Variants in MDGA2 observed in about 807,000 individuals in gnomAD.
MDGA2 encodes MAM domain containing glycosylphosphatidylinositol anchor 2, also known as MAM domain-containing glycosylphosphatidylinositol anchor protein 2.
In MDGA2, 40 loss-of-function variants were observed where a neutral mutation model predicts 117.8. That is an observed-to-expected ratio of 0.34 (90% CI 0.26 to 0.44). The LOEUF (loss-of-function observed/expected upper bound fraction) is 0.44, where lower values mean the gene tolerates loss of function less well. Among genes scored for constraint, MDGA2 ranks in the 20% least tolerant of loss-of-function variants. The pLI is 1.00. For missense variants in MDGA2, 1,123 were observed against 1,250.6 expected, an observed-to-expected ratio of 0.90 and a Z score of 1.54; for synonymous variants, 452 against 439.0, an observed-to-expected ratio of 1.03 and a Z score of -0.37.
intron 1 of MDGA2, among the ~76,000 whole-genome samples, chr14:47,471,404 C>T (rs1893726082): frequency 6.6e-6 from 1 of 152,024 alleles, no homozygotes. Context: ...ACTAGTTACA[C>T]ATGTTTTAAA....
In MDGA2 at chr14:47,194,438, TA is replaced by T. The variant is rs146616094; in HGVS notation, c.595+23582del. ...AAATTCACCCATTTTGATATATATA[TA>T]TTTTTTTACAGTATCCACACTTCAA... is the stretch of plus-strand genomic sequence containing the variant. On this transcript the variant is annotated intron_variant, in intron 3 of 16. Coordinates refer to ENST00000399232, the MANE Select transcript of MDGA2 (RefSeq NM_001113498.3). 5.3e-3 allele frequency among the ~76,000 whole-genome samples: 814 copies of T among 152,266 alleles called. 10 individuals carry two copies. Among genetic ancestry groups the T allele is most frequent in the African/African-American group, 0.018 (755 of 41,574 alleles).
At chr14:46,901,557 A>G (rs981095582) in intron 10 of MDGA2, among the ~76,000 whole-genome samples, 1 of 152,208 alleles carries the variant, frequency 6.6e-6, no homozygotes. Flanking sequence ...TTATTCAGCA[A>G]ATATTTACTG....
intron 1 of MDGA2, among the ~76,000 whole-genome samples, chr14:47,670,966 C>A (rs1288247704): frequency 2.0e-5 from 3 of 151,908 alleles, no homozygotes; most frequent in African/African-American, 7.2e-5. Flanking sequence ...CTTGGTTAGT[C>A]CATATGATTT....
chr14:47,450,026 T>C (rs1955791), intron 1 of MDGA2, among the ~76,000 whole-genome samples: 41,794 of 152,024 alleles, frequency 0.27, 6,090 homozygotes, highest in South Asian at 0.47. Context: ...AGTGATACAT[T>C]TATTGTGCAC....
At chr14:47,327,102 GGCCTCCAGGCAGGA>G (rs1463831258) in intron 1 of MDGA2, among the ~76,000 whole-genome samples, 1 of 152,100 alleles carries the variant, frequency 6.6e-6, no homozygotes, top group Non-Finnish European at 1.5e-5. Flanking sequence ...AGCTGATGAG[GGCCTCCAGGCAGGA>G]GCCATTACTT....
At chr14:46,867,522 C>T (rs1220966923) in intron 14 of MDGA2, among the ~76,000 whole-genome samples, 2 of 151,840 alleles carry the variant, frequency 1.3e-5, no homozygotes, top group East Asian at 3.9e-4. Flanking sequence ...TGCACATGTA[C>T]CCTAAAACTT....
chr14:47,378,893 G>C (rs562227628), intron 1 of MDGA2, among the ~76,000 whole-genome samples: 1 of 152,222 alleles, frequency 6.6e-6, no homozygotes, highest in East Asian at 1.9e-4. Flanking sequence ...CTCAAGAAGA[G>C]CAACTCCAAG....
At chr14:47,239,814 T>C (rs1346768766) in intron 2 of MDGA2, among the ~76,000 whole-genome samples, 1 of 151,910 alleles carries the variant, frequency 6.6e-6, no homozygotes, top group Non-Finnish European at 1.5e-5. Flanking sequence ...ACAAATGTTA[T>C]TGCATCCTTG....
At position 47,077,354 on chromosome 14, in the gene MDGA2, G is replaced by A. The variant is rs567323675; in HGVS notation, c.1196-15776C>T. ...CTTTATTCCTTTCCTAATTTGCTAC[G>A]CTGCCTCTTTTGTGAAAGATGTACA... On this transcript the variant is annotated intron_variant, in intron 6 of 16. Coordinates refer to ENST00000399232, the MANE Select transcript of MDGA2 (RefSeq NM_001113498.3). 2.4e-4 allele frequency among the ~76,000 whole-genome samples: 37 copies of A among 152,120 alleles called. No homozygotes were observed. In the South Asian group the frequency reaches 3.3e-3, roughly 14 times the overall value.
intron 1 of MDGA2, among the ~76,000 whole-genome samples, chr14:47,307,639 G>A (rs1889496152): frequency 6.6e-6 from 1 of 151,720 alleles, no homozygotes; most frequent in Non-Finnish European, 1.5e-5. Context: ...CAAGATCCGA[G>A]ATCTTGTCAC....
At chr14:46,926,926 G>T (rs887784673) in intron 9 of MDGA2, among the ~76,000 whole-genome samples, 2 of 152,062 alleles carry the variant, frequency 1.3e-5, no homozygotes, top group Admixed American at 1.3e-4. Context: ...AAGTGATTGC[G>T]CATACTGCTG....
At chr14:47,168,972 T>C (rs893679939) in intron 3 of MDGA2, among the ~76,000 whole-genome samples, 1 of 152,100 alleles carries the variant, frequency 6.6e-6, no homozygotes, top group Non-Finnish European at 1.5e-5. Context: ...TAGTACTCTT[T>C]TATTGTCTCA....
chr14:46,954,780 T>C (rs1885499999), intron 9 of MDGA2, among the ~76,000 whole-genome samples: 1 of 152,132 alleles, frequency 6.6e-6, no homozygotes, highest in Non-Finnish European at 1.5e-5. Context: ...CATAGACTTA[T>C]CTTTTTCAGA....
At chr14:47,414,440 G>A (rs1892434853) in intron 1 of MDGA2, among the ~76,000 whole-genome samples, 1 of 152,098 alleles carries the variant, frequency 6.6e-6, no homozygotes, top group Non-Finnish European at 1.5e-5. Context: ...AAAGTGCTCA[G>A]TAAATGTTGA....
At chr14:47,548,890 T>A (rs1272123002) in intron 1 of MDGA2, among the ~76,000 whole-genome samples, 2 of 152,136 alleles carry the variant, frequency 1.3e-5, no homozygotes, top group Non-Finnish European at 2.9e-5. Context: ...CCAAATGGTA[T>A]CACTACTTCA....
intron 1 of MDGA2, among the ~76,000 whole-genome samples, chr14:47,314,922 C>T (rs1370520000): frequency 2.0e-5 from 3 of 151,950 alleles, no homozygotes; most frequent in Non-Finnish European, 4.4e-5. Flanking sequence ...CATAGTATGA[C>T]CCCATTAATG....
At chr14:46,872,116 C>T (rs1177094444) in intron 14 of MDGA2, among the ~76,000 whole-genome samples, 1 of 151,954 alleles carries the variant, frequency 6.6e-6, no homozygotes, top group Non-Finnish European at 1.5e-5. Context: ...CTTGGCAGTT[C>T]ACACAAACTT....
At chr14:47,667,170 G>T (rs570661376) in intron 1 of MDGA2, among the ~76,000 whole-genome samples, 17 of 152,286 alleles carry the variant, frequency 1.1e-4, no homozygotes, top group African/African-American at 3.1e-4. Context: ...TTAGTTGACT[G>T]AATTTATGAG....
chr14:46,970,913 A>T (rs1452670790), intron 8 of MDGA2, among the ~76,000 whole-genome samples: 1 of 152,126 alleles, frequency 6.6e-6, no homozygotes, highest in African/African-American at 2.4e-5. Flanking sequence ...GACATAAAAA[A>T]TGGCCAACAG....
Sources: allele counts gnomAD v4.1 joint callset (sites outside exome capture counted in the v4.1 genomes callset), GRCh38; gene constraint gnomAD v4.1.1; transcripts MANE v1.5; gene names NCBI Gene and HGNC (gene_info 2026-07-23, HGNC 2026-07-21).